Variants in VPS37C observed in about 807,000 individuals in gnomAD.
VPS37C encodes the protein VPS37C subunit of ESCRT-I, also known as vacuolar protein sorting-associated protein 37C.
In VPS37C, 9 loss-of-function variants were observed where a neutral mutation model predicts 16.1. That is an observed-to-expected ratio of 0.56 (90% CI 0.34 to 0.97). The LOEUF is 0.97. VPS37C is among the 50% of genes least tolerant of loss of function. The probability of loss-of-function intolerance (pLI) is 0.02; values close to 1 mark genes in which losing one functional copy is unlikely to be tolerated. For synonymous variants in VPS37C, 207 were observed against 206.4 expected, an observed-to-expected ratio of 1.00 and a Z score of -0.02; for missense variants, 479 against 472.7, an observed-to-expected ratio of 1.01 and a Z score of -0.12.
chr11:61,156,914 G>A (rs1853385901), intron 1 of VPS37C, among the ~76,000 whole-genome samples: 3 of 152,068 alleles, frequency 2.0e-5, no homozygotes, highest in Non-Finnish European at 2.9e-5. Context: ...CCCGTCTTCT[G>A]GCAACCACCA....
At chr11:61,149,008 G>A (rs755887474) in intron 1 of VPS37C, among the ~76,000 whole-genome samples, 6 of 152,234 alleles carry the variant, frequency 3.9e-5, no homozygotes, top group Non-Finnish European at 7.3e-5. Flanking sequence ...GGGGCCAGGC[G>A]CGGTGGCTCA....
chr11:61,142,954 T>A (rs1410340575), intron 1 of VPS37C, among the ~76,000 whole-genome samples: 7 of 92,334 alleles, frequency 7.6e-5, no homozygotes, highest in Admixed American at 1.3e-4. Flanking sequence ...TAAAGTATAA[T>A]AAAAAAAAAA....
In VPS37C at chr11:61,130,968, T is replaced by A; in HGVS notation, c.*852A>T. On this transcript the variant is annotated 3_prime_UTR_variant, in exon 5 of 5. Transcript: ENST00000301765. ...ATGGATGCGTGGGCCTCGGGCAAAG[T>A]CGCCCTAAAGTGGGGACCCCAGAGG... 1 of 345,204 alleles carries A rather than the reference T, an allele frequency of 2.9e-6. No homozygotes were observed. Among genetic ancestry groups the A allele is most frequent in the Non-Finnish European group, 5.5e-6 (1 of 181,536 alleles). The allele number at this position is 345,204 out of a possible 1,614,324, so 21.4% of individuals were successfully genotyped here. A position where few individuals can be genotyped will look rare whatever the true frequency, so the allele number is the denominator to read the frequency against.
intron 1 of VPS37C, among the ~76,000 whole-genome samples, chr11:61,157,833 A>C (rs1257369375): frequency 6.6e-6 from 1 of 152,240 alleles, no homozygotes; most frequent in East Asian, 1.9e-4. Flanking sequence ...TGTTTAGGTC[A>C]CAGGACAGAT....
rs1221164631 is a variant in VPS37C at position 61,133,342 on chromosome 11, A to C, written c.266-5T>G. The C allele has an allele frequency of 1.2e-6, 2 of 1,613,672 alleles. No individual in the cohort carries two copies. Among genetic ancestry groups the C allele is most frequent in the Non-Finnish European group, 1.7e-6 (2 of 1,179,862 alleles). On this transcript the variant is annotated splice_region_variant and splice_polypyrimidine_tract_variant and intron_variant, in intron 3 of 4. Coordinates refer to ENST00000301765, the MANE Select transcript of VPS37C (RefSeq NM_017966.5). ...GCAGTGCTGAAGAAAATTTCTCTGG[A>C]AGGGAGGGCAGAACGACTGACATTT...
intron 1 of VPS37C, among the ~76,000 whole-genome samples, chr11:61,139,908 A>G (rs1014556754): frequency 6.6e-6 from 1 of 151,878 alleles, no homozygotes; most frequent in Non-Finnish European, 1.5e-5. Flanking sequence ...ACCTCCAGCT[A>G]ATTTTTAAAT....
intron 4 of VPS37C, chr11:61,132,939 G>A: frequency 1.9e-6 from 1 of 534,180 alleles, no homozygotes; most frequent in Non-Finnish European, 3.4e-6. Flanking sequence ...GGTGGCCGGA[G>A]GGAAGCAGGA....
intron 4 of VPS37C, 54 bp from the exon 5 acceptor site, chr11:61,132,593 G>C: frequency 6.6e-7 from 1 of 1,518,408 alleles, no homozygotes; most frequent in Non-Finnish European, 8.8e-7. Context: ...AAGGCCTCTT[G>C]ATTTTCCCCA....
intron 1 of VPS37C, among the ~76,000 whole-genome samples, chr11:61,158,820 G>A (rs911394994): frequency 6.6e-6 from 1 of 152,148 alleles, no homozygotes; most frequent in Admixed American, 6.5e-5. Flanking sequence ...AACCAGTAAA[G>A]GAAGATAAAG....
intron 1 of VPS37C, among the ~76,000 whole-genome samples, chr11:61,155,887 A>G (rs12416989): frequency 6.6e-6 from 1 of 152,270 alleles, no homozygotes; most frequent in Non-Finnish European, 1.5e-5. Flanking sequence ...AGCAAAAATA[A>G]CAATGTGTTG....
At chr11:61,135,411 C>A (rs1001873003) in intron 2 of VPS37C, among the ~76,000 whole-genome samples, 1 of 152,230 alleles carries the variant, frequency 6.6e-6, no homozygotes, top group African/African-American at 2.4e-5. Context: ...GGATGTAGGG[C>A]CCAGGGTCTG....
intron 1 of VPS37C, among the ~76,000 whole-genome samples, chr11:61,152,740 T>C (rs1853315944): frequency 6.6e-6 from 1 of 152,164 alleles, no homozygotes; most frequent in Non-Finnish European, 1.5e-5. Context: ...TCACTTGACA[T>C]ATATTGATCT....
intron 2 of VPS37C, 91 bp downstream of exon 2, chr11:61,138,646 A>G (rs1861421954): frequency 1.5e-6 from 2 of 1,294,300 alleles, no homozygotes; most frequent in Non-Finnish European, 2.2e-6. Context: ...AATTTGGCCA[A>G]AACTTCCAAT....
chr11:61,131,752 T>G lies in VPS37C; in HGVS notation c.*68A>C, dbSNP rs1470885149. ...GCCACTTCCAGTTGACCCTCGAATC[T>G]CGGCGATGGCTGGGCCAAAGGTTGA... On this transcript the variant is annotated 3_prime_UTR_variant, in exon 5 of 5. Transcript: ENST00000301765. 16 of 1,235,226 alleles carry G rather than the reference T, an allele frequency of 1.3e-5. No homozygotes were observed. Among genetic ancestry groups the G allele is most frequent in the African/African-American group, 1.6e-5 (1 of 64,436 alleles). The allele number at this position is 1,235,226 out of a possible 1,614,324, so 76.5% of individuals were successfully genotyped here. A position where few individuals can be genotyped will look rare whatever the true frequency, so the allele number is the denominator to read the frequency against.
At chr11:61,158,384 A>G (rs981794321) in intron 1 of VPS37C, among the ~76,000 whole-genome samples, 3 of 152,242 alleles carry the variant, frequency 2.0e-5, no homozygotes, top group African/African-American at 7.2e-5. Flanking sequence ...GCCTGAATTG[A>G]AAGTTATAGA....
chr11:61,130,753 T>G lies in VPS37C; in HGVS notation c.*1067A>C. 2.4e-6 allele frequency: 1 copy of G among 422,014 alleles called. No individual in the cohort carries two copies. Among genetic ancestry groups the G allele is most frequent in the Non-Finnish European group, 4.6e-6 (1 of 216,270 alleles). 26.1% of individuals were successfully genotyped at this position (422,014 alleles called of 1,614,324 possible). A position where few individuals can be genotyped will look rare whatever the true frequency, so the allele number is the denominator to read the frequency against. On this transcript the variant is annotated 3_prime_UTR_variant, in exon 5 of 5. Transcript: ENST00000301765. ...TTTACATTCTGAAGACAGGGAGGTG[T>G]GAAAAAATTGCCCCTAATGTAGTGA...
At chr11:61,133,947 C>G in intron 3 of VPS37C, 89 bp downstream of exon 3, 1 of 1,457,224 alleles carries the variant, frequency 6.9e-7, no homozygotes. Context: ...AAAAAATATA[C>G]ATAAAGCACT....
Position 61,132,474 on chromosome 11 carries a change from G to T in VPS37C, c.414C>A (p.Ser138=). 6.2e-7 allele frequency: 1 copy of T among 1,612,498 alleles called. No individual in the cohort carries two copies. Among genetic ancestry groups the T allele is most frequent in the Non-Finnish European group, 8.5e-7 (1 of 1,179,420 alleles). The change falls in exon 5 of 5, where the codon TCC becomes TCA. Residue 138 remains serine, a synonymous_variant. Coordinates refer to ENST00000301765, the MANE Select transcript of VPS37C (RefSeq NM_017966.5). ...PLETFLENFS[S]MRMLSHLRRV... ...GGCGCAGGTGGGACAGCATCCTCAT[G>T]GAGGAAAAATTCTCCAGGAACGTTT...
chr11:61,158,219 A>G (rs1041106083), intron 1 of VPS37C, among the ~76,000 whole-genome samples: 41 of 152,372 alleles, frequency 2.7e-4, no homozygotes, highest in African/African-American at 9.6e-4. Flanking sequence ...CAGAGCTTCA[A>G]AACATGTGAA....
Sources: allele counts gnomAD v4.1 joint callset (sites outside exome capture counted in the v4.1 genomes callset), GRCh38; gene constraint gnomAD v4.1.1; transcripts MANE v1.5; gene names NCBI Gene and HGNC (gene_info 2026-07-23, HGNC 2026-07-21).